Variants in RARB observed in about 807,000 individuals in gnomAD.
The protein encoded by RARB is retinoic acid receptor beta, also known as HBV-activated protein.
A neutral mutation model predicts 51.9 loss-of-function variants in RARB; 17 were observed. That is an observed-to-expected ratio of 0.33 (90% CI 0.22 to 0.49). The LOEUF is 0.49. Among genes scored for constraint, RARB ranks in the 20% least tolerant of loss-of-function variants. The pLI is 0.99. For missense variants in RARB, 369 were observed against 550.8 expected (o/e 0.67, Z 3.30); for synonymous variants, 215 against 195.4 (o/e 1.10, Z -0.84).
At chr3:25,078,286 C>CT (rs1379621269) in intron 3 of RARB, among the ~76,000 whole-genome samples, 1 of 152,088 alleles carries the variant, frequency 6.6e-6, no homozygotes, top group African/African-American at 2.4e-5. Flanking sequence ...TTAATTCACT[C>CT]TAACTTTTGT....
intron 5 of RARB, among the ~76,000 whole-genome samples, chr3:25,391,769 C>A (rs1706966710): frequency 1.3e-5 from 2 of 151,906 alleles, no homozygotes; most frequent in African/African-American, 2.4e-5. Flanking sequence ...TGTTTGAGTT[C>A]TTTGTAGATT....
intron 4 of RARB, among the ~76,000 whole-genome samples, chr3:25,578,057 T>C (rs1701013713): frequency 6.6e-6 from 1 of 152,208 alleles, no homozygotes; most frequent in South Asian, 2.1e-4. Flanking sequence ...GGGTCACTCC[T>C]CACCACCCCA....
intron 1 of RARB, among the ~76,000 whole-genome samples, chr3:24,840,383 CTCTG>C (rs1302889713): frequency 2.0e-5 from 3 of 152,038 alleles, no homozygotes; most frequent in African/African-American, 4.8e-5. Context: ...TCCATTGCTT[CTCTG>C]TCTATTGCCC....
chr3:24,872,161 T>C (rs183568341), intron 2 of RARB, among the ~76,000 whole-genome samples: 303 of 152,310 alleles, frequency 2.0e-3, no homozygotes, highest in African/African-American at 6.9e-3. Context: ...TACAAGGAAC[T>C]TCAACTTCCA....
At chr3:24,962,515 C>G (rs115971013) in intron 2 of RARB, among the ~76,000 whole-genome samples, 1 of 152,240 alleles carries the variant, frequency 6.6e-6, no homozygotes, top group Admixed American at 6.5e-5. Context: ...GGCCACAGAC[C>G]GATACCAGTC....
chr3:24,868,571 C>T lies in RARB; in HGVS notation c.-380+9819C>T, dbSNP rs1319872925. On this transcript the variant is annotated intron_variant, in intron 2 of 11. Transcript: ENST00000383772. Reference sequence around the variant, plus strand: ...GTTAAACTGAAAAATATAGTTCAGGCCATGATGGGAAGGTGGGTGTGGTTG... The same window carrying T: ...GTTAAACTGAAAAATATAGTTCAGGTCATGATGGGAAGGTGGGTGTGGTTG... Among the ~76,000 whole-genome samples, 3 of 152,066 alleles carry T rather than the reference C, an allele frequency of 2.0e-5. No individual in the cohort carries two copies. The East Asian group carries it at 5.8e-4, about 29-fold the overall frequency.
intron 5 of RARB, among the ~76,000 whole-genome samples, chr3:25,349,946 T>C (rs1165809597): frequency 6.6e-6 from 1 of 152,046 alleles, no homozygotes; most frequent in African/African-American, 2.4e-5. Context: ...GATTGACAAG[T>C]TGGTACTGGA....
intron 4 of RARB, among the ~76,000 whole-genome samples, chr3:25,147,751 A>T (rs1245402480): frequency 6.6e-6 from 1 of 152,210 alleles, no homozygotes; most frequent in African/African-American, 2.4e-5. Context: ...AAAGCTACTC[A>T]CTGTTGCAGT....
chr3:25,153,135 A>AGTGT (rs59786696), intron 4 of RARB, among the ~76,000 whole-genome samples: 67,569 of 149,602 alleles, frequency 0.45, 15,854 homozygotes, highest in East Asian at 0.68. Context: ...ATAGAGGCAG[A>AGTGT]GTGTGTGTGT....
At chr3:25,256,993 A>G (rs1702882888) in intron 5 of RARB, among the ~76,000 whole-genome samples, 1 of 152,102 alleles carries the variant, frequency 6.6e-6, no homozygotes, top group Non-Finnish European at 1.5e-5. Flanking sequence ...GATAAGGACT[A>G]TCCTAAAAGC....
chr3:25,039,032 T>A (rs1698059900), intron 2 of RARB, among the ~76,000 whole-genome samples: 1 of 152,212 alleles, frequency 6.6e-6, no homozygotes, highest in Admixed American at 6.5e-5. Flanking sequence ...AATGGGAAAG[T>A]AAACTCTGAA....
chr3:25,440,465 AG>A (rs1011973375), intron 1 of RARB, among the ~76,000 whole-genome samples: 5 of 150,822 alleles, frequency 3.3e-5, no homozygotes, highest in Non-Finnish European at 2.9e-5. Flanking sequence ...AAAAAAAAAA[AG>A]AAATTTATTT....
intron 2 of RARB, chr3:25,020,102 C>CTTT (rs1463696892): frequency 4.6e-4 from 64 of 138,072 alleles, no homozygotes; most frequent in African/African-American, 1.6e-3. Context: ...TACTCAAGTT[C>CTTT]TCTATTATTA....
At chr3:24,918,666 T>C (rs1056126962) in intron 2 of RARB, among the ~76,000 whole-genome samples, 1 of 152,298 alleles carries the variant, frequency 6.6e-6, no homozygotes, top group South Asian at 2.1e-4. Context: ...GCAGATTGCC[T>C]GAAGTCAGGA....
intron 3 of RARB, among the ~76,000 whole-genome samples, chr3:25,563,400 G>A (rs139651224): frequency 1.4e-3 from 219 of 152,234 alleles, no homozygotes; most frequent in Non-Finnish European, 2.6e-3. Flanking sequence ...CTCATTCACT[G>A]ACCTTTTTTC....
chr3:24,945,194 G>T (rs1165242550), intron 2 of RARB, among the ~76,000 whole-genome samples: 1 of 152,134 alleles, frequency 6.6e-6, no homozygotes, highest in Non-Finnish European at 1.5e-5. Flanking sequence ...GCCATAGTGC[G>T]CTTTAGACAT....
chr3:25,501,046 T>A, intron 2 of RARB, 136 bp from the exon 3 acceptor site: 1 of 1,027,876 alleles, frequency 9.7e-7, no homozygotes, highest in Non-Finnish European at 1.4e-6. Context: ...ATTTTAAGGT[T>A]TATGTAAGTT....
At chr3:25,051,540 AAAAGTT>A (rs1250432987) in intron 2 of RARB, among the ~76,000 whole-genome samples, 3 of 151,014 alleles carry the variant, frequency 2.0e-5, no homozygotes, top group Non-Finnish European at 3.0e-5. Flanking sequence ...TAGTAAAGGA[AAAAGTT>A]TTATTGTTAA....
chr3:24,915,800 A>G (rs1695095692), intron 2 of RARB, among the ~76,000 whole-genome samples: 1 of 152,118 alleles, frequency 6.6e-6, no homozygotes, highest in Admixed American at 6.5e-5. Flanking sequence ...GGTCTATACA[A>G]ATGTAGGTGA....
Sources: allele counts gnomAD v4.1 joint callset (sites outside exome capture counted in the v4.1 genomes callset), GRCh38; gene constraint gnomAD v4.1.1; transcripts MANE v1.5; gene names NCBI Gene and HGNC (gene_info 2026-07-23, HGNC 2026-07-21).